Variants in NIPBL observed in about 807,000 individuals in gnomAD.
The protein encoded by NIPBL is NIPBL cohesin loading factor, also known as nipped-B-like protein.
NIPBL carries 19 observed loss-of-function variants against 321.8 expected under a neutral mutation model. The observed-to-expected ratio is 0.06, with a 90% CI of 0.04 to 0.09. The LOEUF (loss-of-function observed/expected upper bound fraction) is 0.09. Among genes scored for constraint, NIPBL ranks in the 10% least tolerant of loss-of-function variants. NIPBL has a pLI of 1.00. For missense variants in NIPBL, 2,210 were observed against 3,327.0 expected (o/e 0.66, Z 8.26); for synonymous variants, 1,106 against 1,114.1 (o/e 0.99, Z 0.14).
intron 1 of NIPBL, among the ~76,000 whole-genome samples, chr5:36,889,017 A>T (rs1158757938): frequency 6.6e-6 from 1 of 152,150 alleles, no homozygotes; most frequent in Non-Finnish European, 1.5e-5. Flanking sequence ...TAGTCATTGG[A>T]TCCCTTTGGT....
intron 1 of NIPBL, among the ~76,000 whole-genome samples, chr5:36,880,175 C>A (rs1294858725): frequency 6.6e-6 from 1 of 151,812 alleles, no homozygotes; most frequent in Admixed American, 6.6e-5. Context: ...TACTTGCAGC[C>A]GAAAAATGTA....
intron 40 of NIPBL, chr5:37,051,130 A>G (rs1195431225): frequency 6.6e-6 from 1 of 152,492 alleles, no homozygotes; most frequent in Non-Finnish European, 1.5e-5. Flanking sequence ...CCCACCTTAC[A>G]GCCTTTTTTC....
At position 36,986,145 on chromosome 5, in the gene NIPBL, A is replaced by G; in HGVS notation, c.2965A>G (p.Ile989Val). The G allele has an allele frequency of 1.2e-6, 2 of 1,613,982 alleles. No individual in the cohort carries two copies. Among genetic ancestry groups the G allele is most frequent in the Non-Finnish European group, 1.7e-6 (2 of 1,179,908 alleles). ...AGAGCCGAAAGACAAAGTAGAAAAA[A>G]TAGGATTAGTTGAAGATCTAAATAA... ...KGEPKDKVEKIGLVEDLNKGA... is the reference protein window; with the variant it reads ...KGEPKDKVEKVGLVEDLNKGA... Residue 989 changes from isoleucine to valine, a missense_variant, in exon 10 of 47, where the codon ATA becomes GTA. Coordinates refer to ENST00000282516, the MANE Select transcript of NIPBL (RefSeq NM_133433.4).
intron 14 of NIPBL, 36 bp downstream of exon 14, chr5:37,001,114 A>G: frequency 7.4e-7 from 1 of 1,359,394 alleles, no homozygotes; most frequent in Non-Finnish European, 1.1e-6. Flanking sequence ...CACATACTCT[A>G]AGTGTCTTAA....
At chr5:36,924,909 C>T (rs1302036018) in intron 1 of NIPBL, among the ~76,000 whole-genome samples, 1 of 152,110 alleles carries the variant, frequency 6.6e-6, no homozygotes, top group African/African-American at 2.4e-5. Flanking sequence ...CTACTTACAT[C>T]CATTATACCA....
intron 4 of NIPBL, among the ~76,000 whole-genome samples, chr5:36,960,883 A>C (rs1404755241): frequency 6.6e-6 from 1 of 152,208 alleles, no homozygotes; most frequent in Non-Finnish European, 1.5e-5. Context: ...TTTATTTTTT[A>C]ATAAAATATT....
At chr5:37,063,312 A>G (rs184483309) in intron 45 of NIPBL, among the ~76,000 whole-genome samples, 1 of 152,238 alleles carries the variant, frequency 6.6e-6, no homozygotes, top group Non-Finnish European at 1.5e-5. Flanking sequence ...TCTAAAATTT[A>G]AAAATATTTT....
In NIPBL at chr5:36,955,512, A is replaced by G. The variant is rs1350258771; in HGVS notation, c.105A>G (p.Thr35=). 2 of 1,614,024 alleles carry G rather than the reference A, an allele frequency of 1.2e-6. No homozygotes were observed. The highest frequency in any genetic ancestry group is 2.2e-5 in the South Asian group (2 of 91,080). ...CTCTTCCATCTCCTTTACCTGCTAC[A>G]ACTACAAAGAGCCTTCTCTTTAATG... The part of the protein sequence containing the change: ...QLPLPSPLPA[T]TTKSLLFNAR... The change falls in exon 3 of 47, where the codon ACA becomes ACG. Residue 35 remains threonine, a synonymous_variant. Coordinates refer to ENST00000282516, the MANE Select transcript of NIPBL (RefSeq NM_133433.4).
chr5:36,885,404 A>G, intron 1 of NIPBL: 1 of 451,470 alleles, frequency 2.2e-6, no homozygotes, highest in South Asian at 1.7e-5. Flanking sequence ...GGCCAAGTGG[A>G]TGGCCCAGGG....
chr5:37,058,624 C>T (rs1294119570), intron 43 of NIPBL, among the ~76,000 whole-genome samples: 2 of 151,928 alleles, frequency 1.3e-5, no homozygotes, highest in Non-Finnish European at 2.9e-5. Context: ...TATTACTGTC[C>T]TTAGAAGAAA....
chr5:36,986,475 A>AT (rs915917630), intron 10 of NIPBL, among the ~76,000 whole-genome samples, 174 bp downstream of exon 10: 1 of 151,706 alleles, frequency 6.6e-6, no homozygotes, highest in Admixed American at 6.6e-5. Context: ...TTTCCAGTGA[A>AT]TTTTTTTTTC....
At chr5:37,008,587 A>G (rs1161499452) in intron 19 of NIPBL, 36 bp from the exon 20 acceptor site, 2 of 1,066,428 alleles carry the variant, frequency 1.9e-6, no homozygotes, top group African/African-American at 1.6e-5. Context: ...GTTTTCTATT[A>G]TAAGTTTAAC....
At chr5:37,037,960 T>A (rs1310758845) in intron 33 of NIPBL, among the ~76,000 whole-genome samples, 3 of 151,342 alleles carry the variant, frequency 2.0e-5, no homozygotes, top group Non-Finnish European at 4.4e-5. Context: ...TCAGCTAAAT[T>A]GCTTTTTTTC....
chr5:37,009,832 A>C (rs1016908572), intron 20 of NIPBL, among the ~76,000 whole-genome samples: 7 of 152,232 alleles, frequency 4.6e-5, no homozygotes, highest in Admixed American at 1.3e-4. Flanking sequence ...TTTATCTGCA[A>C]TGTATGTAAA....
At position 36,984,758 on chromosome 5, in the gene NIPBL, G is replaced by A. The variant is rs772284751; in HGVS notation, c.1578G>A (p.Gln526=). ...GATGGNRPAS[Q]ETGSTGNGSR... is the part of the protein sequence containing the mutation. ...CAGGAGGTAATAGACCAGCTTCTCA[G>A]GAGACGGGTTCTACGGGAAATGGGT... The change falls in exon 10 of 47, where the codon CAG becomes CAA. Residue 526 remains glutamine (Q), a synonymous_variant. Transcript: ENST00000282516. The A allele has an allele frequency of 3.3e-5, 53 of 1,613,800 alleles. No homozygotes were observed. The highest frequency in any genetic ancestry group is 4.5e-5 in the Non-Finnish European group (53 of 1,179,800).
chr5:37,006,656 A>G (rs1313841120), intron 17 of NIPBL, 68 bp downstream of exon 17: 7 of 908,550 alleles, frequency 7.7e-6, no homozygotes, highest in Non-Finnish European at 1.7e-6. Flanking sequence ...ATAGGACTTA[A>G]AATGGCACCA....
chr5:37,042,899 G>GCACACACACA (rs70976273), intron 34 of NIPBL, among the ~76,000 whole-genome samples: 2 of 144,858 alleles, frequency 1.4e-5, no homozygotes, highest in African/African-American at 2.5e-5. Flanking sequence ...ACACACGCGC[G>GCACACACACA]CACACACACA....
At chr5:36,963,240 T>TA (rs1044254999) in intron 6 of NIPBL, among the ~76,000 whole-genome samples, 11 of 152,270 alleles carry the variant, frequency 7.2e-5, no homozygotes, top group Admixed American at 2.6e-4. Context: ...AAGGATAATA[T>TA]AAAAAACATC....
chr5:36,898,781 G>A (rs1222954327), intron 1 of NIPBL, among the ~76,000 whole-genome samples: 11 of 152,062 alleles, frequency 7.2e-5, no homozygotes, highest in African/African-American at 7.2e-5. Context: ...AAAGTGCTGG[G>A]TATAGGTGTG....
Sources: gnomAD v4.1 joint callset for allele counts (sites outside exome capture counted in the v4.1 genomes callset) on GRCh38, gnomAD v4.1.1 for gene constraint, MANE v1.5 for transcripts, NCBI Gene and HGNC (gene_info 2026-07-23, HGNC 2026-07-21) for gene names.